Variants in DNAH6 observed in about 807,000 individuals in gnomAD.
DNAH6 encodes the protein dynein axonemal heavy chain 6.
Under a neutral mutation model 491.4 loss-of-function variants are expected in DNAH6, and 340 were observed. That is an observed-to-expected ratio of 0.69 (90% CI 0.63 to 0.76). The LOEUF is 0.76. Among genes scored for constraint, DNAH6 ranks in the 30% least tolerant of loss-of-function variants. The probability of loss-of-function intolerance (pLI) is 0.00; values close to 1 mark genes in which losing one functional copy is unlikely to be tolerated. For synonymous variants in DNAH6, 1,603 were observed against 1,686.1 expected (o/e 0.95, Z 1.21); for missense variants, 4,443 against 4,972.2 (o/e 0.89, Z 3.20).
intron 64 of DNAH6, chr2:84,777,763 A>C: frequency 2.2e-6 from 2 of 917,526 alleles, no homozygotes; most frequent in Non-Finnish European, 3.7e-6. Flanking sequence ...CCAGATTGCA[A>C]CCACTTCCAA....
At chr2:84,675,799 C>A (rs1351751697) in intron 40 of DNAH6, among the ~76,000 whole-genome samples, 1 of 152,178 alleles carries the variant, frequency 6.6e-6, no homozygotes, top group Non-Finnish European at 1.5e-5. Flanking sequence ...GCTGGGACCA[C>A]AGGCGCATGC....
At chr2:84,665,904 C>T (rs1467731174) in intron 37 of DNAH6, among the ~76,000 whole-genome samples, 21 of 152,214 alleles carry the variant, frequency 1.4e-4, no homozygotes, top group Admixed American at 8.5e-4. Flanking sequence ...TTATCCACCA[C>T]GATCAAGTGG....
intron 4 of DNAH6, among the ~76,000 whole-genome samples, chr2:84,533,250 G>A (rs899208048): frequency 1.3e-5 from 2 of 151,974 alleles, no homozygotes; most frequent in East Asian, 3.9e-4. Flanking sequence ...CTCAAATCAA[G>A]GATACTAACT....
At position 84,694,421 on chromosome 2, in the gene DNAH6, T is replaced by G; in HGVS notation, c.7465T>G (p.Leu2489Val). ...TAGTTTTCATGAAGACCTGAGGAAG[T>G]TGTACAAAATGGCTGGTGTAGAAGA... The part of the protein sequence containing the change: ...YDSFHEDLRK[L>V]YKMAGVEDKN... Residue 2489 changes from leucine to valine, a missense_variant, in exon 46 of 77, where the codon TTG becomes GTG. Physicochemically the swap from Leu to Val is conservative, Grantham distance 32. Transcript: ENST00000389394. The G allele has an allele frequency of 6.4e-7, 1 of 1,552,174 alleles. No individual in the cohort carries two copies. Among genetic ancestry groups the G allele is most frequent in the Non-Finnish European group, 8.7e-7 (1 of 1,147,108 alleles).
chr2:84,533,677 T>A (rs1435931700), intron 4 of DNAH6, among the ~76,000 whole-genome samples: 5 of 152,152 alleles, frequency 3.3e-5, no homozygotes, highest in Non-Finnish European at 5.9e-5. Context: ...GGAGATAACT[T>A]TTCAATCCAA....
intron 24 of DNAH6, among the ~76,000 whole-genome samples, chr2:84,620,139 G>A (rs1402500517): frequency 6.6e-6 from 1 of 152,174 alleles, no homozygotes; most frequent in Non-Finnish European, 1.5e-5. Context: ...GAAATAGAGT[G>A]TATAAAACTA....
At chr2:84,719,229 G>A (rs563118537) in intron 59 of DNAH6, among the ~76,000 whole-genome samples, 1 of 152,208 alleles carries the variant, frequency 6.6e-6, no homozygotes, top group Non-Finnish European at 1.5e-5. Context: ...TTGGGCCTCT[G>A]TTTTCTTCCT....
At chr2:84,612,043 C>G (rs551288930) in intron 22 of DNAH6, among the ~76,000 whole-genome samples, 189 bp downstream of exon 22, 2 of 152,160 alleles carry the variant, frequency 1.3e-5, no homozygotes, top group South Asian at 4.2e-4. Context: ...CAACGGAACA[C>G]TGGACTTTTT....
At chr2:84,687,646 C>T (rs889685256) in intron 44 of DNAH6, among the ~76,000 whole-genome samples, 1 of 151,962 alleles carries the variant, frequency 6.6e-6, no homozygotes, top group African/African-American at 2.4e-5. Context: ...AGAAAAAAAA[C>T]AGCTAGACTC....
chr2:84,664,212 AAC>A (rs1691834479), intron 37 of DNAH6, among the ~76,000 whole-genome samples: 3 of 152,206 alleles, frequency 2.0e-5, no homozygotes, highest in African/African-American at 7.2e-5. Context: ...ATAACCAGCT[AAC>A]ATCATAATGA....
chr2:84,763,764 G>A (rs1674814908), intron 64 of DNAH6, among the ~76,000 whole-genome samples: 1 of 133,604 alleles, frequency 7.5e-6, no homozygotes, highest in Non-Finnish European at 1.6e-5. Flanking sequence ...GTGTGTGTGT[G>A]TGTATGAAGT....
chr2:84,515,445 T>C (rs1362969773), upstream of DNAH6, among the ~76,000 whole-genome samples: 2 of 152,300 alleles, frequency 1.3e-5, no homozygotes, highest in East Asian at 3.9e-4. Context: ...ATGTGACCTG[T>C]AATCTCCATT....
chr2:84,789,572 C>A (rs1677547211), intron 68 of DNAH6, among the ~76,000 whole-genome samples: 1 of 152,182 alleles, frequency 6.6e-6, no homozygotes, highest in South Asian at 2.1e-4. Flanking sequence ...GCAGACTAGT[C>A]AAGAACAAAG....
At chr2:84,529,711 A>G (rs185171355) in intron 4 of DNAH6, among the ~76,000 whole-genome samples, 53 of 152,292 alleles carry the variant, frequency 3.5e-4, no homozygotes, top group African/African-American at 1.2e-3. Context: ...AGCACAACAG[A>G]TAATAGTAGG....
rs145455161 is a variant in DNAH6, at chr2:84,690,172, C to G, written c.7292+1579C>G. 2.9e-3 allele frequency among the ~76,000 whole-genome samples: 447 copies of G among 152,198 alleles called. 1 individual carries two copies. The highest frequency in any genetic ancestry group is 0.01 in the African/African-American group (424 of 41,522). On this transcript the variant is annotated intron_variant, in intron 45 of 76. Coordinates refer to ENST00000389394, the MANE Select transcript of DNAH6 (RefSeq NM_001370.2). ...GATTTTCATGGCTTTGGTTTTTTTC[C>G]TGTGTCAACTACATTTTAGCGTTGG...
At chr2:84,481,846 T>C in the DNAH6 span, among the ~76,000 whole-genome samples, 1 of 152,212 alleles carries the variant, frequency 6.6e-6, no homozygotes, top group Non-Finnish European at 1.5e-5. Flanking sequence ...AACACTTTCC[T>C]ACTGAGCAGT....
chr2:84,724,630 C>T (rs1272210403), intron 60 of DNAH6, among the ~76,000 whole-genome samples: 1 of 152,206 alleles, frequency 6.6e-6, no homozygotes, highest in Non-Finnish European at 1.5e-5. Flanking sequence ...AAGCCTGCTG[C>T]TGGGACTGCA....
At chr2:84,625,293 GA>G (rs1035022735) in intron 29 of DNAH6, among the ~76,000 whole-genome samples, 24 of 152,060 alleles carry the variant, frequency 1.6e-4, no homozygotes, top group African/African-American at 5.3e-4. Flanking sequence ...GTCAAATGGT[GA>G]AAAAAATAAA....
chr2:84,748,065 A>G (rs753271608), intron 63 of DNAH6, among the ~76,000 whole-genome samples: 8 of 152,288 alleles, frequency 5.3e-5, no homozygotes, highest in Non-Finnish European at 1.2e-4. Context: ...TGGACCTGCA[A>G]TGGAAGGGAC....
Sources: allele counts gnomAD v4.1 joint callset (sites outside exome capture counted in the v4.1 genomes callset), GRCh38; gene constraint gnomAD v4.1.1; transcripts MANE v1.5; gene names NCBI Gene and HGNC (gene_info 2026-07-23, HGNC 2026-07-21).